Variants in UNC5D observed in about 807,000 individuals in gnomAD.
The protein encoded by UNC5D is netrin receptor UNC5D.
UNC5D carries 39 observed loss-of-function variants against 105.4 expected under a neutral mutation model. The ratio of observed to expected loss-of-function variants is 0.37; its 90% CI spans 0.29 to 0.48. The LOEUF (loss-of-function observed/expected upper bound fraction) is 0.48, where lower values mean the gene tolerates loss of function less well. Among genes scored for constraint, UNC5D ranks in the 20% least tolerant of loss-of-function variants. UNC5D has a pLI of 0.98. For synonymous variants in UNC5D, 452 were observed against 450.4 expected, an observed-to-expected ratio of 1.00 and a Z score of -0.04; for missense variants, 991 against 1,202.4, an observed-to-expected ratio of 0.82 and a Z score of 2.60.
intron 7 of UNC5D, among the ~76,000 whole-genome samples, chr8:35,692,896 AATTG>A (rs1300210394): frequency 6.6e-6 from 1 of 152,222 alleles, no homozygotes; most frequent in African/African-American, 2.4e-5. Flanking sequence ...TCTGCATAAC[AATTG>A]ATTAATTCAT....
intron 1 of UNC5D, among the ~76,000 whole-genome samples, chr8:35,258,202 A>G (rs1804215095): frequency 6.6e-6 from 1 of 152,186 alleles, no homozygotes; most frequent in African/African-American, 2.4e-5. Context: ...GGAAGGGCAA[A>G]AAAAGGGACA....
At chr8:35,382,681 T>G (rs947865566) in intron 1 of UNC5D, among the ~76,000 whole-genome samples, 5 of 152,164 alleles carry the variant, frequency 3.3e-5, no homozygotes, top group African/African-American at 1.2e-4. Flanking sequence ...CTTTGTAGAT[T>G]TATAGTGACT....
At chr8:35,653,848 C>A (rs2131194205) in intron 4 of UNC5D, among the ~76,000 whole-genome samples, 1 of 152,256 alleles carries the variant, frequency 6.6e-6, no homozygotes, top group African/African-American at 2.4e-5. Context: ...AACTTTCATA[C>A]TCTGTACTTG....
chr8:35,352,992 C>T (rs1426678128), intron 1 of UNC5D, among the ~76,000 whole-genome samples: 1 of 152,046 alleles, frequency 6.6e-6, no homozygotes, highest in East Asian at 1.9e-4. Flanking sequence ...CACCTTAAAA[C>T]AAAGTAAATG....
At chr8:35,488,358 G>T (rs1810966554) in intron 1 of UNC5D, among the ~76,000 whole-genome samples, 1 of 152,174 alleles carries the variant, frequency 6.6e-6, no homozygotes, top group South Asian at 2.1e-4. Context: ...GTCCAGCTGT[G>T]AACATGGGTT....
At chr8:35,351,073 A>C (rs1354712075) in intron 1 of UNC5D, among the ~76,000 whole-genome samples, 2 of 151,964 alleles carry the variant, frequency 1.3e-5, no homozygotes, top group African/African-American at 2.4e-5. Flanking sequence ...TGTGAGAGAG[A>C]GTTGGTAATT....
chr8:35,448,593 C>A (rs933907060), intron 1 of UNC5D, among the ~76,000 whole-genome samples: 1 of 152,070 alleles, frequency 6.6e-6, no homozygotes, highest in Non-Finnish European at 1.5e-5. Flanking sequence ...GCTCAGGAAT[C>A]AGTGATTTAA....
At chr8:35,545,911 A>G (rs1295448070) in intron 1 of UNC5D, among the ~76,000 whole-genome samples, 1 of 151,854 alleles carries the variant, frequency 6.6e-6, no homozygotes, top group Non-Finnish European at 1.5e-5. Context: ...TATTTTTGAA[A>G]TAGGGTCTGT....
At chr8:35,727,230 T>G (rs2131556828) in intron 10 of UNC5D, 1 of 152,460 alleles carries the variant, frequency 6.6e-6, no homozygotes, top group East Asian at 1.9e-4. Context: ...AGTTGCTGCC[T>G]AAGACCTAAG....
At chr8:35,342,130 C>T (rs546909597) in intron 1 of UNC5D, among the ~76,000 whole-genome samples, 5 of 152,072 alleles carry the variant, frequency 3.3e-5, no homozygotes, top group South Asian at 2.1e-4. Context: ...TTGTAGAATT[C>T]GTAGGGCCCA....
chr8:35,568,410 G>A (rs1027126213), intron 3 of UNC5D, among the ~76,000 whole-genome samples, 169 bp downstream of exon 3: 7 of 152,222 alleles, frequency 4.6e-5, no homozygotes, highest in Admixed American at 2.6e-4. Flanking sequence ...CTGGCCAGGC[G>A]TGGCACAGTG....
At chr8:35,524,640 CAAAAA>C (rs113548648) in intron 1 of UNC5D, among the ~76,000 whole-genome samples, 45 of 71,090 alleles carry the variant, frequency 6.3e-4, no homozygotes, top group African/African-American at 2.2e-3. Flanking sequence ...ATGCCCTGTG[CAAAAA>C]AAAAAAAAAA....
chr8:35,642,671 T>C (rs1207496345), intron 4 of UNC5D, among the ~76,000 whole-genome samples: 1 of 152,116 alleles, frequency 6.6e-6, no homozygotes, highest in African/African-American at 2.4e-5. Flanking sequence ...ATTGCTTTCC[T>C]AGCTGGGTTC....
At chr8:35,364,930 C>A (rs150495847) in intron 1 of UNC5D, among the ~76,000 whole-genome samples, 1 of 152,198 alleles carries the variant, frequency 6.6e-6, no homozygotes, top group East Asian at 1.9e-4. Flanking sequence ...GTGTGAAGTT[C>A]TTTTCATCTT....
intron 3 of UNC5D, among the ~76,000 whole-genome samples, chr8:35,572,008 C>T (rs757286576): frequency 9.2e-5 from 14 of 152,178 alleles, no homozygotes; most frequent in East Asian, 1.9e-4. Flanking sequence ...TGCCATGGGC[C>T]GGGTACAGTG....
intron 1 of UNC5D, among the ~76,000 whole-genome samples, chr8:35,400,857 C>T (rs998132941): frequency 5.9e-5 from 9 of 152,092 alleles, no homozygotes; most frequent in Non-Finnish European, 5.9e-5. Context: ...GTTTTAGTTA[C>T]TTGTTTTTGC....
At chr8:35,658,649 T>C (rs1823920608) in intron 4 of UNC5D, among the ~76,000 whole-genome samples, 1 of 147,780 alleles carries the variant, frequency 6.8e-6, no homozygotes, top group Non-Finnish European at 1.5e-5. Context: ...AGTGACTTTT[T>C]TTTTTTTTTT....
At chr8:35,480,576 T>C (rs781107153) in intron 1 of UNC5D, among the ~76,000 whole-genome samples, 4 of 152,326 alleles carry the variant, frequency 2.6e-5, no homozygotes, top group Non-Finnish European at 4.4e-5. Context: ...ATAATCATTA[T>C]TGAACAACTT....
chr8:35,492,696 G>A (rs1053593318), intron 1 of UNC5D, among the ~76,000 whole-genome samples: 2 of 152,118 alleles, frequency 1.3e-5, no homozygotes, highest in African/African-American at 4.8e-5. Flanking sequence ...TTCATAGGGA[G>A]AAGGAAATGA....
Sources: gnomAD v4.1 joint callset for allele counts (sites outside exome capture counted in the v4.1 genomes callset) on GRCh38, gnomAD v4.1.1 for gene constraint, MANE v1.5 for transcripts, NCBI Gene and HGNC (gene_info 2026-07-23, HGNC 2026-07-21) for gene names.